MARCHF1: variants seen among roughly 807,000 people sequenced by gnomAD.
The protein encoded by MARCHF1 is E3 ubiquitin-protein ligase MARCHF1.
Under a neutral mutation model 54.2 loss-of-function variants are expected in MARCHF1, and 40 were observed. The ratio of observed to expected loss-of-function variants is 0.74; its 90% CI spans 0.57 to 0.96. The LOEUF (loss-of-function observed/expected upper bound fraction) is 0.96. Among genes scored for constraint, MARCHF1 ranks in the 40% least tolerant of loss-of-function variants. The probability of loss-of-function intolerance (pLI) is 0.00; values close to 1 mark genes in which losing one functional copy is unlikely to be tolerated. For missense variants in MARCHF1, 586 were observed against 656.5 expected, an observed-to-expected ratio of 0.89 and a Z score of 1.17; for synonymous variants, 236 against 236.3, an observed-to-expected ratio of 1.00 and a Z score of 0.01.
At chr4:163,990,754 T>G (rs143839109) in intron 2 of MARCHF1, among the ~76,000 whole-genome samples, 1 of 152,202 alleles carries the variant, frequency 6.6e-6, no homozygotes, top group Non-Finnish European at 1.5e-5. Context: ...ATGCTGGAAA[T>G]AGAAGTCTGT....
At chr4:163,545,928 ACATATAACTTAAATACATATGTG>A (rs1738886096) in intron 8 of MARCHF1, among the ~76,000 whole-genome samples, 185 bp from the exon 9 acceptor site, 1 of 150,894 alleles carries the variant, frequency 6.6e-6, no homozygotes, top group Non-Finnish European at 1.5e-5. Context: ...CTAGAGAGTT[ACATATAACTTAAATACATATGTG>A]TGTGTGTGTG....
rs1348287307 is a variant in MARCHF1, at chr4:163,526,674, T to G, written c.*2074A>C. 6.6e-6 allele frequency: 1 copy of G among 151,692 alleles called. No individual in the cohort carries two copies. Among genetic ancestry groups the G allele is most frequent in the Non-Finnish European group, 1.5e-5 (1 of 67,744 alleles). The allele number at this position is 151,692 out of a possible 1,614,324, so 9.4% of individuals were successfully genotyped here. ...ACATGTTTTTTAAAACGTTAATTAC[T>G]TATATCCTTATTTATACAGAATTTT... On this transcript the variant is annotated 3_prime_UTR_variant, in exon 10 of 10. Coordinates refer to ENST00000514618, the MANE Select transcript of MARCHF1 (RefSeq NM_001394959.1).
At chr4:163,723,258 G>T (rs1212676378) in intron 4 of MARCHF1, among the ~76,000 whole-genome samples, 14 of 152,200 alleles carry the variant, frequency 9.2e-5, no homozygotes, top group South Asian at 4.2e-4. Context: ...GTCTGTAAAG[G>T]ATTTTATTTC....
At chr4:164,224,982 C>A (rs1282561406) in intron 1 of MARCHF1, among the ~76,000 whole-genome samples, 1 of 151,980 alleles carries the variant, frequency 6.6e-6, no homozygotes, top group East Asian at 1.9e-4. Context: ...GACAGACATG[C>A]ATGCATTCTT....
chr4:163,529,196 T>C (rs1430441640), intron 9 of MARCHF1, 150 bp from the exon 10 acceptor site: 2 of 644,050 alleles, frequency 3.1e-6, no homozygotes, highest in Non-Finnish European at 5.4e-6. Context: ...CTAGAAAGAA[T>C]TATAACCCGA....
chr4:164,281,651 G>T, intron 1 of MARCHF1, among the ~76,000 whole-genome samples: 1 of 152,174 alleles, frequency 6.6e-6, no homozygotes. Context: ...ATGGTGAGAA[G>T]TGGCAAGCAA....
chr4:164,142,019 G>C (rs1029557763), intron 1 of MARCHF1, among the ~76,000 whole-genome samples: 2 of 152,178 alleles, frequency 1.3e-5, no homozygotes, highest in Non-Finnish European at 2.9e-5. Context: ...GAAGCACAAG[G>C]GGTCAGGGAG....
chr4:164,182,010 T>A (rs539712914), intron 1 of MARCHF1, among the ~76,000 whole-genome samples: 1 of 152,254 alleles, frequency 6.6e-6, no homozygotes, highest in African/African-American at 2.4e-5. Context: ...GCTGTACAAT[T>A]AGAACTTCAG....
intron 4 of MARCHF1, among the ~76,000 whole-genome samples, chr4:163,844,471 TGG>T (rs1421459090): frequency 1.3e-5 from 2 of 152,162 alleles, no homozygotes; most frequent in African/African-American, 4.8e-5. Context: ...AACTGCTTTT[TGG>T]GACTTAGTTA....
chr4:163,632,657 G>GC (rs1742144474), intron 5 of MARCHF1, among the ~76,000 whole-genome samples: 2 of 152,242 alleles, frequency 1.3e-5, no homozygotes, highest in Non-Finnish European at 2.9e-5. Context: ...CAAGGCGGCA[G>GC]CGAGGCTGGG....
intron 1 of MARCHF1, among the ~76,000 whole-genome samples, chr4:164,217,632 G>T (rs1579631574): frequency 6.6e-6 from 1 of 152,288 alleles, no homozygotes; most frequent in East Asian, 1.9e-4. Context: ...CCAGATGCTA[G>T]CACTGATGGG....
intron 3 of MARCHF1, among the ~76,000 whole-genome samples, chr4:163,934,151 T>TA (rs1447517138): frequency 6.6e-6 from 1 of 152,160 alleles, no homozygotes; most frequent in East Asian, 1.9e-4. Context: ...TATTTAGAGA[T>TA]TTGGACCACT....
chr4:164,239,242 G>C lies in MARCHF1; in HGVS notation c.-322-127580C>G, dbSNP rs1424795937. Reference sequence around the variant, plus strand: ...GAAAAGTGAATAATCTCTGAGTGAGGGACAAAATGGATGTGTCATGATCAA... The same window carrying C: ...GAAAAGTGAATAATCTCTGAGTGAGCGACAAAATGGATGTGTCATGATCAA... On this transcript the variant is annotated intron_variant, in intron 1 of 9. Coordinates refer to ENST00000514618, the MANE Select transcript of MARCHF1 (RefSeq NM_001394959.1). Among the ~76,000 whole-genome samples the C allele has an allele frequency of 1.3e-5, 2 of 151,856 alleles. 1 individual carries two copies. Among genetic ancestry groups the C allele is most frequent in the Non-Finnish European group, 2.9e-5 (2 of 67,904 alleles).
intron 4 of MARCHF1, among the ~76,000 whole-genome samples, chr4:163,737,583 A>G: frequency 8.3e-6 from 1 of 121,036 alleles, no homozygotes; most frequent in Non-Finnish European, 2.0e-5. Flanking sequence ...TCCATGGTGT[A>G]TATGTGCCAC....
In MARCHF1 at chr4:163,944,273, C is replaced by T. The variant is rs116234266; in HGVS notation, c.-39+44228G>A. Among the ~76,000 whole-genome samples, 522 of 152,106 alleles carry T rather than the reference C, an allele frequency of 3.4e-3. 5 individuals are homozygous for T. Among genetic ancestry groups the T allele is most frequent in the African/African-American group, 0.011 (473 of 41,464 alleles). On this transcript the variant is annotated intron_variant, in intron 3 of 9. Transcript: ENST00000514618. ...CTGGGATTACAGGCGTGAGCCACCG[C>T]GCCTGGCCAGAAATATGCCATCTTT...
At chr4:164,322,335 A>G (rs899915852) in intron 1 of MARCHF1, among the ~76,000 whole-genome samples, 3 of 152,044 alleles carry the variant, frequency 2.0e-5, no homozygotes, top group Admixed American at 6.6e-5. Context: ...AAAGAAAGAC[A>G]ATATATACTA....
intron 4 of MARCHF1, among the ~76,000 whole-genome samples, chr4:163,708,285 C>T (rs186476624): frequency 1.7e-3 from 265 of 152,146 alleles, no homozygotes; most frequent in Middle Eastern, 6.8e-3. Context: ...ACTCAGACCT[C>T]GGGAGGATGG....
intron 4 of MARCHF1, among the ~76,000 whole-genome samples, chr4:163,743,982 C>T (rs1372158324): frequency 1.3e-5 from 2 of 152,170 alleles, no homozygotes; most frequent in Non-Finnish European, 2.9e-5. Context: ...TGCAATAAAT[C>T]ACCTCGGTTT....
intron 5 of MARCHF1, among the ~76,000 whole-genome samples, chr4:163,636,162 G>A (rs1248987741): frequency 6.6e-6 from 1 of 152,116 alleles, no homozygotes; most frequent in East Asian, 1.9e-4. Context: ...AAAACTGGAA[G>A]CATTCCGTTT....
Sources: allele counts gnomAD v4.1 joint callset (sites outside exome capture counted in the v4.1 genomes callset), GRCh38; gene constraint gnomAD v4.1.1; transcripts MANE v1.5; gene names NCBI Gene and HGNC (gene_info 2026-07-23, HGNC 2026-07-21).